PRAG1: variants seen among roughly 807,000 people sequenced by gnomAD.
The protein encoded by PRAG1 is PEAK1 related, kinase-activating pseudokinase 1.
In PRAG1, 110 loss-of-function variants were observed where a neutral mutation model predicts 95.6. The observed-to-expected ratio is 1.15, with a 90% confidence interval of 0.99 to 1.35. PRAG1 has a LOEUF of 1.35. Among genes scored for constraint, PRAG1 ranks in the 40% most tolerant of loss-of-function variants. The probability of loss-of-function intolerance (pLI) is 0.00; values close to 1 mark genes in which losing one functional copy is unlikely to be tolerated. For synonymous variants in PRAG1, 1,052 were observed against 819.4 expected, an observed-to-expected ratio of 1.28 and a Z score of -4.85; for missense variants, 2,554 against 1,864.7, an observed-to-expected ratio of 1.37 and a Z score of -6.81.
chr8:8,383,234 A>C (rs1800742895), intron 1 of PRAG1, among the ~76,000 whole-genome samples: 1 of 152,100 alleles, frequency 6.6e-6, no homozygotes, highest in African/African-American at 2.4e-5. Context: ...TGTTCATTCA[A>C]CAAGTGCTGA....
intron 3 of PRAG1, among the ~76,000 whole-genome samples, chr8:8,363,890 C>G (rs1323880140): frequency 3.3e-5 from 5 of 151,966 alleles, no homozygotes; most frequent in Non-Finnish European, 7.4e-5. Context: ...CAGTCAATAC[C>G]AGTATGAGGT....
rs764098300 is a variant in PRAG1 at position 8,381,709 on chromosome 8, T to A, written c.39A>T (p.Lys13Asn). The A allele has an allele frequency of 1.2e-6, 2 of 1,605,122 alleles. No homozygotes were observed. The highest frequency in any genetic ancestry group is 1.7e-5 in the Admixed American group (1 of 59,728). Residue 13 changes from lysine (K) to asparagine (N), a missense_variant, in exon 2 of 6, where the codon AAA (lysine) becomes AAT (asparagine). Transcript: ENST00000615670. Reference protein sequence around the residue: ...QTLCLNPESLKMSACSDFVEH... With the variant: ...QTLCLNPESLNMSACSDFVEH... ...CCACAAAGTCACTGCACGCAGACAT[T>A]TTCAGGCTCTCGGGGTTCAGGCAGA...
At chr8:8,381,109 T>G (rs575708867) in intron 2 of PRAG1, among the ~76,000 whole-genome samples, 68 of 152,314 alleles carry the variant, frequency 4.5e-4, no homozygotes, top group African/African-American at 1.5e-3. Flanking sequence ...TATATATATT[T>G]AAAATGATCA....
chr8:8,355,500 C>A (rs1585252553), intron 3 of PRAG1, among the ~76,000 whole-genome samples: 2 of 152,000 alleles, frequency 1.3e-5, no homozygotes, highest in East Asian at 1.9e-4. Context: ...GAATTTGGAG[C>A]CTTCATACGT....
Position 8,318,761 on chromosome 8 carries a change from CG to C in PRAG1, c.3613del (p.Arg1205GlyfsTer14). 6.3e-7 allele frequency: 1 copy of C among 1,579,868 alleles called. No homozygotes were observed. The highest frequency in any genetic ancestry group is 1.8e-5 in the Admixed American group (1 of 57,142). Reference protein sequence around the residue: ...AAGPASPEGPREKQLPRLIIS... With the variant: ...AAGPASPEGPXEKQLPRLIIS... ...GATGAGCCGGGGCAGCTGCTTCTCC[CG>C]GGGCCCTTCCGGGGAGGCGGGGCCG... On this transcript the variant is annotated frameshift_variant, in exon 6 of 6. Transcript: ENST00000615670. LOFTEE classifies it high-confidence loss of function. This position sits in a 1 kb window ranked among gnomAD's most constrained non-coding sequence, Gnocchi z 4.2.
intron 3 of PRAG1, among the ~76,000 whole-genome samples, chr8:8,366,409 G>A (rs542737757): frequency 1.3e-5 from 2 of 151,822 alleles, no homozygotes; most frequent in African/African-American, 2.4e-5. Context: ...CAACTCCCGG[G>A]TTCAAGCAAT....
intron 3 of PRAG1, among the ~76,000 whole-genome samples, chr8:8,350,985 C>T (rs951072825): frequency 6.6e-6 from 1 of 152,100 alleles, no homozygotes; most frequent in African/African-American, 2.4e-5. Flanking sequence ...GATGGATAAA[C>T]AGGCAAACAG....
In PRAG1 at chr8:8,339,535, A is replaced by C. The variant is rs759488624; in HGVS notation, c.2263T>G (p.Phe755Val). ...AGGCTGTCCGTGGAGCCGGTGGTGAAGCTGACGTGGACACCCCTGAAGGAT... is the reference window on the plus strand; with the variant it reads ...AGGCTGTCCGTGGAGCCGGTGGTGACGCTGACGTGGACACCCCTGAAGGAT... ...SPSFRGVHVS[F>V]TTGSTDSLAS... is the part of the protein sequence containing the mutation. Residue 755 changes from phenylalanine (F) to valine (V), a missense_variant, in exon 4 of 6, where the codon TTC becomes GTC. Transcript: ENST00000615670. The C allele has an allele frequency of 6.2e-7, 1 of 1,614,158 alleles. No individual in the cohort carries two copies. The highest frequency in any genetic ancestry group is 1.1e-5 in the South Asian group (1 of 91,082).
At chr8:8,344,039 A>G (rs534109634) in intron 3 of PRAG1, among the ~76,000 whole-genome samples, 2 of 152,236 alleles carry the variant, frequency 1.3e-5, no homozygotes, top group African/African-American at 2.4e-5. Context: ...GATATATTCC[A>G]TATGTTTTTT....
At chr8:8,379,346 G>T (rs542025723) in intron 2 of PRAG1, among the ~76,000 whole-genome samples, 4 of 152,276 alleles carry the variant, frequency 2.6e-5, no homozygotes, top group African/African-American at 9.6e-5. Flanking sequence ...TCCTCCTTCT[G>T]GTCTAAAGTC....
At chr8:8,371,724 C>T (rs775535436) in intron 3 of PRAG1, among the ~76,000 whole-genome samples, 6 of 151,966 alleles carry the variant, frequency 3.9e-5, no homozygotes, top group South Asian at 2.1e-4. Flanking sequence ...TAAAAATTAG[C>T]GGGGGCATGG....
chr8:8,324,454 A>G (rs1206766509), intron 5 of PRAG1, among the ~76,000 whole-genome samples: 1 of 151,574 alleles, frequency 6.6e-6, no homozygotes, highest in East Asian at 1.9e-4. Context: ...CGTTGGGCGC[A>G]TGCTAACTAG....
At chr8:8,384,403 C>T (rs889964979) in intron 1 of PRAG1, among the ~76,000 whole-genome samples, 2 of 152,006 alleles carry the variant, frequency 1.3e-5, no homozygotes, top group Admixed American at 1.3e-4. Flanking sequence ...CTCCCATTCT[C>T]AGCTCAGAAA....
At chr8:8,326,043 C>A (rs936588033) in intron 5 of PRAG1, among the ~76,000 whole-genome samples, 2 of 150,166 alleles carry the variant, frequency 1.3e-5, no homozygotes, top group African/African-American at 4.9e-5. Context: ...CAGGCTTTTT[C>A]CTCCTCAAAA....
chr8:8,355,901 T>C (rs1281857400), intron 3 of PRAG1, among the ~76,000 whole-genome samples: 2 of 152,032 alleles, frequency 1.3e-5, no homozygotes, highest in African/African-American at 4.8e-5. Flanking sequence ...AAGCTCAGAC[T>C]ACAAAAGCAA....
intron 3 of PRAG1, among the ~76,000 whole-genome samples, chr8:8,354,659 A>G (rs1799631001): frequency 6.6e-6 from 1 of 152,214 alleles, no homozygotes; most frequent in Non-Finnish European, 1.5e-5. Flanking sequence ...TGTCACATTA[A>G]CAGAATGAAA....
rs1208355028 is a variant in PRAG1, at chr8:8,381,627, G to C, written c.121C>G (p.Gln41Glu). Reference sequence around the variant, plus strand: ...GGCTGGGGAGGGCCGGCCACCAGCTGGTGGTCGCTCCGCAGGCAGAAGCAG... The same window carrying C: ...GGCTGGGGAGGGCCGGCCACCAGCTCGTGGTCGCTCCGCAGGCAGAAGCAG... Reference protein sequence around the residue: ...KNCFCLRSDHQLVAGPPQPRA... With the variant: ...KNCFCLRSDHELVAGPPQPRA... Residue 41 changes from glutamine (Q) to glutamate (E), a missense_variant, in exon 2 of 6, where the codon CAG (glutamine) becomes GAG (glutamate). Gln to Glu is a conservative substitution (Grantham distance 29, BLOSUM62 2). Coordinates refer to ENST00000615670, the MANE Select transcript of PRAG1 (RefSeq NM_001080826.3). 2 of 1,613,928 alleles carry C rather than the reference G, an allele frequency of 1.2e-6. No homozygotes were observed. Among genetic ancestry groups the C allele is most frequent in the African/African-American group, 2.7e-5 (2 of 75,062 alleles).
In PRAG1 at chr8:8,328,095, G is replaced by A. The variant is rs1298030350; in HGVS notation, c.2687C>T (p.Ala896Val). The A allele has an allele frequency of 2.5e-6, 4 of 1,610,994 alleles. No individual in the cohort carries two copies. Among genetic ancestry groups the A allele is most frequent in the Admixed American group, 1.7e-5 (1 of 59,924 alleles). Residue 896 changes from alanine (A) to valine (V), a missense_variant, in exon 5 of 6, where the codon GCA becomes GTA. Transcript: ENST00000615670. ...FKGSGHWLPA[A>V]GLAGNRGGCG... The stretch of plus-strand genomic sequence containing the variant: ...GCCGCCTCTGTTGCCCGCCAGCCCT[G>A]CTGCCGGAAGCCAGTGGCCACTGCC...
chr8:8,358,586 T>G (rs1435545672), intron 3 of PRAG1, among the ~76,000 whole-genome samples: 1 of 152,210 alleles, frequency 6.6e-6, no homozygotes, highest in Non-Finnish European at 1.5e-5. Context: ...AGACACATCA[T>G]TTCTGTTGGA....
Sources: gnomAD v4.1 joint callset for allele counts (sites outside exome capture counted in the v4.1 genomes callset) on GRCh38, gnomAD v4.1.1 for gene constraint, Gnocchi (gnomAD v3.1) non-coding constraint, MANE v1.5 for transcripts, NCBI Gene and HGNC (gene_info 2026-07-23, HGNC 2026-07-21) for gene names.